ULK4: variants seen among roughly 807,000 people sequenced by gnomAD.
ULK4 encodes inactive serine/threonine-protein kinase ULK4.
ULK4 carries 133 observed loss-of-function variants against 160.6 expected under a neutral mutation model. The ratio of observed to expected loss-of-function variants is 0.83; its 90% CI spans 0.72 to 0.96. ULK4 has a LOEUF of 0.96. Ranked by LOEUF, ULK4 falls within the 40% of genes least tolerant of loss-of-function variation. The probability of loss-of-function intolerance (pLI) is 0.00; values close to 1 mark genes in which losing one functional copy is unlikely to be tolerated. For missense variants in ULK4, 1,580 were observed against 1,499.5 expected (o/e 1.05, Z -0.89); for synonymous variants, 534 against 539.8 (o/e 0.99, Z 0.15).
At chr3:41,742,942 A>G (rs2038290639) in intron 22 of ULK4, among the ~76,000 whole-genome samples, 1 of 151,894 alleles carries the variant, frequency 6.6e-6, no homozygotes, top group South Asian at 2.1e-4. Context: ...AAAATAGACA[A>G]AAGAAAAAAA....
chr3:41,519,096 A>G (rs1224709234), intron 32 of ULK4, among the ~76,000 whole-genome samples: 1 of 152,170 alleles, frequency 6.6e-6, no homozygotes, highest in Non-Finnish European at 1.5e-5. Flanking sequence ...GGCTGCTGGG[A>G]CATTCACAGT....
intron 17 of ULK4, among the ~76,000 whole-genome samples, chr3:41,876,724 TA>T (rs1367967407): frequency 4.6e-4 from 70 of 152,144 alleles, no homozygotes; most frequent in African/African-American, 1.7e-3. Flanking sequence ...ATGAATTCCA[TA>T]AACATAATAT....
intron 35 of ULK4, among the ~76,000 whole-genome samples, chr3:41,338,949 A>G (rs2080624983): frequency 6.6e-6 from 1 of 151,886 alleles, no homozygotes; most frequent in Admixed American, 6.6e-5. Flanking sequence ...CAGGCCCTCA[A>G]TGGATTGGTG....
intron 32 of ULK4, among the ~76,000 whole-genome samples, chr3:41,553,288 A>G (rs2087148679): frequency 6.6e-6 from 1 of 152,160 alleles, no homozygotes; most frequent in African/African-American, 2.4e-5. Flanking sequence ...CTGCATAGCA[A>G]AGAAAACAAT....
At chr3:41,341,923 A>G (rs550405151) in intron 35 of ULK4, among the ~76,000 whole-genome samples, 7 of 152,352 alleles carry the variant, frequency 4.6e-5, no homozygotes, top group African/African-American at 1.7e-4. Flanking sequence ...TGGTCTCACA[A>G]AGTCAAAAAG....
At chr3:41,652,215 C>T (rs1452434892) in intron 30 of ULK4, among the ~76,000 whole-genome samples, 6 of 152,034 alleles carry the variant, frequency 3.9e-5, no homozygotes, top group Non-Finnish European at 8.8e-5. Flanking sequence ...AAATATTTAC[C>T]ACCTAGAGTT....
chr3:41,287,402 G>A (rs777054861), intron 35 of ULK4, among the ~76,000 whole-genome samples: 4 of 152,136 alleles, frequency 2.6e-5, no homozygotes, highest in Non-Finnish European at 2.9e-5. Flanking sequence ...AAAAAACAAC[G>A]CAGCTTCCTC....
chr3:41,923,933 T>C (rs2148816242), intron 5 of ULK4, among the ~76,000 whole-genome samples: 1 of 152,326 alleles, frequency 6.6e-6, no homozygotes, highest in East Asian at 1.9e-4. Context: ...ATAACTTTTC[T>C]GTCCCTGAAT....
chr3:41,561,056 G>A (rs879902737), intron 32 of ULK4, among the ~76,000 whole-genome samples: 1 of 152,158 alleles, frequency 6.6e-6, no homozygotes, highest in Non-Finnish European at 1.5e-5. Context: ...CTAGTTTATT[G>A]AGAGTTTTTA....
chr3:41,622,488 C>T (rs1370848515), intron 30 of ULK4, among the ~76,000 whole-genome samples: 1 of 152,018 alleles, frequency 6.6e-6, no homozygotes, highest in Non-Finnish European at 1.5e-5. Context: ...AGCAAACTAA[C>T]ACAGGAACAG....
intron 35 of ULK4, among the ~76,000 whole-genome samples, chr3:41,388,202 C>T (rs2081868727): frequency 6.6e-6 from 1 of 152,122 alleles, no homozygotes; most frequent in Admixed American, 6.5e-5. Context: ...ATATCCTTCA[C>T]CCACTTGTTG....
chr3:41,636,763 C>A (rs904672042), intron 30 of ULK4, among the ~76,000 whole-genome samples: 18 of 151,838 alleles, frequency 1.2e-4, no homozygotes, highest in African/African-American at 4.1e-4. Flanking sequence ...CCCGTCCCCC[C>A]ACCCCACAAC....
Position 41,794,815 on chromosome 3 carries a change from T to C in ULK4, c.2011-4972A>G, listed in dbSNP as rs547824389. 1.3e-4 allele frequency among the ~76,000 whole-genome samples: 20 copies of C among 150,974 alleles called. No individual in the cohort carries two copies. The South Asian group carries it at 2.3e-3, about 17-fold the overall frequency. ...GTAACACTTAAGCTGAGACCTGAAA[T>C]AAGGAATTGGCCATGTAAAAAACCA... On this transcript the variant is annotated intron_variant, in intron 20 of 36. Transcript: ENST00000301831.
chr3:41,567,719 T>C (rs2087833589), intron 31 of ULK4, among the ~76,000 whole-genome samples: 1 of 152,154 alleles, frequency 6.6e-6, no homozygotes, highest in Non-Finnish European at 1.5e-5. Flanking sequence ...TGCCTCAGCC[T>C]CCCAAAGTGC....
Position 41,463,226 on chromosome 3 carries a change from A to T in ULK4, c.3254T>A (p.Leu1085His). Reference sequence around the variant, plus strand: ...CAAGCACAGTGTGGCAGTTTCAGTGAGCAGGTTACAGATGTGACTGACAAG... The same window carrying T: ...CAAGCACAGTGTGGCAGTTTCAGTGTGCAGGTTACAGATGTGACTGACAAG... ...QGLVSHICNL[L>H]TETATLCLDV... Residue 1085 changes from leucine (L) to histidine (H), a missense_variant, in exon 33 of 37, where the codon CTC becomes CAC. By Grantham distance (99) the Leu-to-His change is moderately conservative. Coordinates refer to ENST00000301831, the MANE Select transcript of ULK4 (RefSeq NM_017886.4). 6.2e-7 allele frequency: 1 copy of T among 1,613,652 alleles called. No individual in the cohort carries two copies. Among genetic ancestry groups the T allele is most frequent in the Non-Finnish European group, 8.5e-7 (1 of 1,179,694 alleles).
chr3:41,591,759 T>G (rs1222319560), intron 31 of ULK4, among the ~76,000 whole-genome samples: 1 of 152,222 alleles, frequency 6.6e-6, no homozygotes, highest in East Asian at 1.9e-4. Context: ...TGGTAAATAT[T>G]TGGCCATAAG....
rs138498094 is a variant in ULK4, at chr3:41,564,139, G to A, written c.3226+1886C>T. Among the ~76,000 whole-genome samples, 964 of 152,260 alleles carry A rather than the reference G, an allele frequency of 6.3e-3. 5 individuals are homozygous for A. Among genetic ancestry groups the A allele is most frequent in the Non-Finnish European group, 0.01 (688 of 68,022 alleles). On this transcript the variant is annotated intron_variant, in intron 32 of 36. Transcript: ENST00000301831. ...AGGTCCCTCAGCTGCAGGTCTGTTGGAGTTTGCTGGAGGTCCACTCCAGAC... is the reference window on the plus strand; with the variant it reads ...AGGTCCCTCAGCTGCAGGTCTGTTGAAGTTTGCTGGAGGTCCACTCCAGAC...
At chr3:41,849,265 T>C (rs1290549709) in intron 17 of ULK4, among the ~76,000 whole-genome samples, 1 of 152,186 alleles carries the variant, frequency 6.6e-6, no homozygotes, top group Non-Finnish European at 1.5e-5. Flanking sequence ...TTTAAAAGAA[T>C]TGCTAATAAA....
intron 34 of ULK4, among the ~76,000 whole-genome samples, chr3:41,401,345 T>C (rs1166258603): frequency 1.3e-5 from 2 of 152,194 alleles, no homozygotes; most frequent in Non-Finnish European, 2.9e-5. Context: ...TATTGTTGTT[T>C]TGTTTTGCCA....
Sources: gnomAD v4.1 joint callset for allele counts (sites outside exome capture counted in the v4.1 genomes callset) on GRCh38, gnomAD v4.1.1 for gene constraint, MANE v1.5 for transcripts, NCBI Gene and HGNC (gene_info 2026-07-23, HGNC 2026-07-21) for gene names.